Variants in ADAMTSL2 observed in about 807,000 individuals in gnomAD.
ADAMTSL2 encodes ADAMTS like 2, also known as ADAMTS-like protein 2.
A neutral mutation model predicts 117.0 loss-of-function variants in ADAMTSL2; 55 were observed. That is an observed-to-expected ratio of 0.47 (90% confidence interval 0.38 to 0.59). The LOEUF (loss-of-function observed/expected upper bound fraction) is 0.59. Ranked by LOEUF, ADAMTSL2 falls within the 20% of genes least tolerant of loss-of-function variation. ADAMTSL2 has a pLI of 0.00. For missense variants in ADAMTSL2, 1,182 were observed against 1,354.5 expected, an observed-to-expected ratio of 0.87 and a Z score of 2.00; for synonymous variants, 572 against 566.4, an observed-to-expected ratio of 1.01 and a Z score of -0.14.
intron 12 of ADAMTSL2, among the ~76,000 whole-genome samples, chr9:133,561,839 C>G (rs1271319083): frequency 6.6e-6 from 1 of 152,160 alleles, no homozygotes; most frequent in Non-Finnish European, 1.5e-5. Context: ...CCACAGCTGT[C>G]TGGTTGCACG....
At chr9:133,559,442 C>T in intron 11 of ADAMTSL2, among the ~76,000 whole-genome samples, 1 of 144,884 alleles carries the variant, frequency 6.9e-6, no homozygotes, top group East Asian at 2.1e-4. Context: ...CTCCCAGGTT[C>T]ATGCCATTCT....
chr9:133,570,568 C>A, intron 17 of ADAMTSL2, 61 bp downstream of exon 17: 3 of 1,547,126 alleles, frequency 1.9e-6, no homozygotes, highest in Non-Finnish European at 2.6e-6. Flanking sequence ...TCGATCCCGC[C>A]CCTCCCGCCT....
chr9:133,550,754 A>C (rs1001770602), intron 9 of ADAMTSL2, among the ~76,000 whole-genome samples: 3 of 152,082 alleles, frequency 2.0e-5, no homozygotes, highest in Admixed American at 1.3e-4. Context: ...CTGGGGCCAC[A>C]TGTAGCTTCC....
rs1472777653 is a variant in ADAMTSL2, at chr9:133,570,416, G to A, written c.2501G>A (p.Gly834Asp). Reference sequence around the variant, plus strand: ...AACGGGAAGCCGCAGACGCGCAGTGGCCCCGAGTGCGGGCTCGCCAAGAAG... The same window carrying A: ...AACGGGAAGCCGCAGACGCGCAGTGACCCCGAGTGCGGGCTCGCCAAGAAG... ...LANGKPQTRS[G>D]PECGLAKKPP... The change falls in exon 17 of 19, where the codon GGC (glycine) becomes GAC (aspartate). Residue 834 changes from glycine (G) to aspartate (D), a missense_variant. Gly to Asp is a moderately conservative substitution (Grantham distance 94, BLOSUM62 -1). This residue lies in a region of ADAMTSL2 where 465 missense variants were observed against 565.3 expected (regional missense o/e 0.82). Coordinates refer to ENST00000651351, the MANE Select transcript of ADAMTSL2 (RefSeq NM_014694.4). 1.3e-6 allele frequency: 2 copies of A among 1,597,944 alleles called. No individual in the cohort carries two copies. Among genetic ancestry groups the A allele is most frequent in the East Asian group, 2.3e-5 (1 of 43,716 alleles).
Position 133,567,051 on chromosome 9 carries a change from G to T in ADAMTSL2, c.1863G>T (p.Glu621Asp). Residue 621 changes from glutamate to aspartate, a missense_variant, in exon 13 of 19, where the codon GAG (glutamate) becomes GAT (aspartate). Physicochemically the swap from Glu to Asp is conservative, Grantham distance 45. Around this residue, in one of 3 missense-constraint regions of ADAMTSL2, gnomAD observed 465 missense variants for 565.3 expected, o/e 0.82. Coordinates refer to ENST00000651351, the MANE Select transcript of ADAMTSL2 (RefSeq NM_014694.4). Reference protein sequence around the residue: ...EPVHEFCAGRECQPRWETSSW... With the variant: ...EPVHEFCAGRDCQPRWETSSW... ...TCCACGAGTTCTGCGCTGGGAGGGA[G>T]TGCCAGCCCAGGTACCTGCCACCAG... 6.2e-7 allele frequency: 1 copy of T among 1,608,530 alleles called. No homozygotes were observed.
intron 12 of ADAMTSL2, among the ~76,000 whole-genome samples, chr9:133,566,245 C>A (rs1454730887): frequency 6.6e-6 from 1 of 152,224 alleles, no homozygotes; most frequent in Non-Finnish European, 1.5e-5. Flanking sequence ...AGTTCAAGAC[C>A]AGCCTGGCCA....
chr9:133,544,245 T>G (rs9802773), intron 7 of ADAMTSL2, among the ~76,000 whole-genome samples: 1 of 152,006 alleles, frequency 6.6e-6, no homozygotes, highest in Non-Finnish European at 1.5e-5. Flanking sequence ...CGGATGAGCC[T>G]TCCTATGGCC....
intron 6 of ADAMTSL2, 47 bp downstream of exon 6, chr9:133,540,790 C>T (rs1456475176): frequency 3.1e-6 from 5 of 1,613,402 alleles, no homozygotes; most frequent in Non-Finnish European, 3.4e-6. Flanking sequence ...ACTGTGCTGA[C>T]TGCCCGCCCG....
rs1201789084 is a variant in ADAMTSL2, at chr9:133,558,532, TG to T, written c.1649+2608del. On this transcript the variant is annotated intron_variant, in intron 11 of 18. Transcript: ENST00000651351. This position sits in a 1 kb window ranked among gnomAD's most constrained non-coding sequence, Gnocchi z 4.3. ...GACGCGGAGTCCCTCTCCGCAGCCT[TG>T]GGGGGAGAGAAGAACAGAGCACTTT... 6.6e-6 allele frequency among the ~76,000 whole-genome samples: 1 copy of T among 152,060 alleles called. No homozygotes were observed. The highest frequency in any genetic ancestry group is 2.4e-5 in the African/African-American group (1 of 41,404).
At position 133,566,922 on chromosome 9, in the gene ADAMTSL2, T is replaced by C; in HGVS notation, c.1748-14T>C. 5 of 1,601,960 alleles carry C rather than the reference T, an allele frequency of 3.1e-6. No homozygotes were observed. The highest frequency in any genetic ancestry group is 4.3e-6 in the Non-Finnish European group (5 of 1,174,874). ...CCGGCATGGCTCACAGACCCACCCC[T>C]GTCCCCAACCCAGGGGTCATGTCTG... On this transcript the variant is annotated splice_polypyrimidine_tract_variant and intron_variant, in intron 12 of 18. Coordinates refer to ENST00000651351, the MANE Select transcript of ADAMTSL2 (RefSeq NM_014694.4).
At chr9:133,545,720 G>A (rs190689707) in intron 8 of ADAMTSL2, among the ~76,000 whole-genome samples, 17 of 152,282 alleles carry the variant, frequency 1.1e-4, no homozygotes, top group Admixed American at 8.5e-4. Context: ...AAACAGACGC[G>A]TAGAAATACC....
intron 9 of ADAMTSL2, among the ~76,000 whole-genome samples, chr9:133,553,447 G>T (rs950993332): frequency 2.9e-4 from 44 of 152,080 alleles, no homozygotes; most frequent in African/African-American, 9.7e-4. Flanking sequence ...CGTTCTTGGG[G>T]TCCTTTACTT....
rs1001143902 is a variant in ADAMTSL2, at chr9:133,574,992, C to G, written c.*128C>G. The G allele has an allele frequency of 1.1e-5, 8 of 739,014 alleles. No individual in the cohort carries two copies. The highest frequency in any genetic ancestry group is 1.6e-5 in the Non-Finnish European group (7 of 425,942). 45.8% of individuals were successfully genotyped at this position (739,014 alleles called of 1,614,324 possible). A position where few individuals can be genotyped will look rare whatever the true frequency, so the allele number is the denominator to read the frequency against. ...GCCTAAGAGACGTGGCACTGAGCCT[C>G]GGCTGTCGAGAGGGGACTTCCCACG... is the stretch of plus-strand genomic sequence containing the variant. On this transcript the variant is annotated 3_prime_UTR_variant, in exon 19 of 19. Transcript: ENST00000651351.
Position 133,537,390 on chromosome 9 carries a change from G to T in ADAMTSL2, c.91-15G>T, listed in dbSNP as rs745770116. 2.6e-5 allele frequency: 35 copies of T among 1,334,396 alleles called. No homozygotes were observed. The highest frequency in any genetic ancestry group is 2.8e-5 in the Non-Finnish European group (29 of 1,033,848). 82.7% of individuals were successfully genotyped at this position (1,334,396 alleles called of 1,614,324 possible). On this transcript the variant is annotated splice_polypyrimidine_tract_variant and intron_variant, in intron 2 of 18. Coordinates refer to ENST00000651351, the MANE Select transcript of ADAMTSL2 (RefSeq NM_014694.4). ...CACTTGAGCCCTCTACCATCTGGGG[G>T]TCCCTCTCACCCAGGACAACAGCCC...
At chr9:133,563,703 A>G (rs1353729732) in intron 12 of ADAMTSL2, among the ~76,000 whole-genome samples, 2 of 152,128 alleles carry the variant, frequency 1.3e-5, no homozygotes, top group East Asian at 3.9e-4. Context: ...AAAGGACAAC[A>G]GGAAATCAGA....
chr9:133,569,330 C>T (rs1180882806), intron 15 of ADAMTSL2, 78 bp from the exon 16 acceptor site: 2 of 1,500,538 alleles, frequency 1.3e-6, no homozygotes, highest in African/African-American at 1.4e-5. Context: ...ACTCCTCTCC[C>T]TTGGGACTGA....
At chr9:133,574,350 A>G (rs1447123781) in intron 18 of ADAMTSL2, among the ~76,000 whole-genome samples, 1 of 152,118 alleles carries the variant, frequency 6.6e-6, no homozygotes, top group Non-Finnish European at 1.5e-5. Context: ...GGGGGCAGGG[A>G]GGGGAGCAGC....
chr9:133,568,403 G>T lies in ADAMTSL2; in HGVS notation c.2005G>T (p.Ala669Ser). The change falls in exon 14 of 19, where the codon GCC becomes TCC. Residue 669 changes from alanine to serine, a missense_variant. Ala to Ser is a moderately conservative substitution (Grantham distance 99). Transcript: ENST00000651351. Reference protein sequence around the residue: ...SSVYSDLCEAAEAVRPEERKT... With the variant: ...SSVYSDLCEASEAVRPEERKT... ...CGTGTACAGCGACCTGTGCGAGGCAGCCGAGGCCGTGCGGCCCGAGGAACG... is the reference window on the plus strand; with the variant it reads ...CGTGTACAGCGACCTGTGCGAGGCATCCGAGGCCGTGCGGCCCGAGGAACG... 1 of 1,608,024 alleles carries T rather than the reference G, an allele frequency of 6.2e-7. No individual in the cohort carries two copies. The highest frequency in any genetic ancestry group is 2.2e-5 in the East Asian group (1 of 44,596).
chr9:133,556,065 C>T (rs1830599223), intron 11 of ADAMTSL2, 135 bp downstream of exon 11: 2 of 1,193,590 alleles, frequency 1.7e-6, no homozygotes, highest in African/African-American at 3.1e-5. Context: ...GAGAGAGGGC[C>T]CCTTCTTCCC....
Sources: allele counts gnomAD v4.1 joint callset (sites outside exome capture counted in the v4.1 genomes callset), GRCh38; gene constraint gnomAD v4.1.1; regional missense constraint gnomAD v4.1.1; non-coding constraint Gnocchi (gnomAD v3.1); transcripts MANE v1.5; gene names NCBI Gene and HGNC (gene_info 2026-07-23, HGNC 2026-07-21).